The following ATP6V1H variants were observed in gnomAD, a reference collection of about 807,000 sequenced individuals.
ATP6V1H encodes ATPase H+ transporting V1 subunit H.
A neutral mutation model predicts 71.7 loss-of-function variants in ATP6V1H; 39 were observed. That is an observed-to-expected ratio of 0.54 (90% confidence interval 0.42 to 0.71). The LOEUF (loss-of-function observed/expected upper bound fraction) is 0.71. Ranked by LOEUF, ATP6V1H falls within the 30% of genes least tolerant of loss-of-function variation. The pLI is 0.00. For synonymous variants in ATP6V1H, 192 were observed against 199.3 expected, an observed-to-expected ratio of 0.96 and a Z score of 0.31; for missense variants, 509 against 594.9, an observed-to-expected ratio of 0.86 and a Z score of 1.50.
chr8:53,839,322 T>G (rs1307949775), intron 2 of ATP6V1H, among the ~76,000 whole-genome samples: 1 of 152,166 alleles, frequency 6.6e-6, no homozygotes, highest in Non-Finnish European at 1.5e-5. Flanking sequence ...CACTCTGGAC[T>G]AAAGAAATTA....
intron 8 of ATP6V1H, among the ~76,000 whole-genome samples, chr8:53,796,313 G>A (rs1809735048): frequency 6.6e-6 from 1 of 152,124 alleles, no homozygotes; most frequent in Admixed American, 6.5e-5. Flanking sequence ...AAAAACCTCA[G>A]TTTGATCAAG....
chr8:53,782,091 G>C (rs1278462705), intron 9 of ATP6V1H, among the ~76,000 whole-genome samples: 1 of 152,198 alleles, frequency 6.6e-6, no homozygotes, highest in African/African-American at 2.4e-5. Flanking sequence ...GTCATTGGTA[G>C]CTTGATGGGG....
chr8:53,752,603 T>G (rs1807836731), intron 12 of ATP6V1H, among the ~76,000 whole-genome samples: 1 of 152,144 alleles, frequency 6.6e-6, no homozygotes, highest in Admixed American at 6.5e-5. Flanking sequence ...CAGGCTGGAG[T>G]GCAGTGGCAC....
At chr8:53,753,228 T>C (rs1326603331) in intron 12 of ATP6V1H, among the ~76,000 whole-genome samples, 1 of 152,140 alleles carries the variant, frequency 6.6e-6, no homozygotes, top group Admixed American at 6.5e-5. Flanking sequence ...AGAATGACTA[T>C]ATTGGTCCAT....
At chr8:53,797,672 G>A (rs1480530049) in intron 8 of ATP6V1H, among the ~76,000 whole-genome samples, 2 of 151,802 alleles carry the variant, frequency 1.3e-5, no homozygotes, top group African/African-American at 2.4e-5. Flanking sequence ...CTACCTTTCT[G>A]ACACTCAAGA....
At chr8:53,783,947 G>T (rs990998161) in intron 9 of ATP6V1H, among the ~76,000 whole-genome samples, 2 of 152,220 alleles carry the variant, frequency 1.3e-5, no homozygotes, top group African/African-American at 2.4e-5. Flanking sequence ...TTGCTAAGGG[G>T]TGTTTTACTT....
In ATP6V1H at chr8:53,739,443, T is replaced by TA. The variant is rs570723654; in HGVS notation, c.1391+4133dup. On this transcript the variant is annotated intron_variant, in intron 13 of 13. Coordinates refer to ENST00000359530, the MANE Select transcript of ATP6V1H (RefSeq NM_015941.4). ...TCTGTTATATTAATTTACCTAAGCA[T>TA]AAAAAATCTAGATGGTAACACTCTT... 1.7e-3 allele frequency: 261 copies of TA among 152,224 alleles called. 1 individual carries two copies. The highest frequency in any genetic ancestry group is 5.6e-3 in the African/African-American group (233 of 41,546). The allele number at this position is 152,224 out of a possible 1,614,324, so 9.4% of individuals were successfully genotyped here. A position where few individuals can be genotyped will look rare whatever the true frequency, so the allele number is the denominator to read the frequency against.
chr8:53,756,889 G>C (rs1258320370), intron 11 of ATP6V1H, among the ~76,000 whole-genome samples: 1 of 151,768 alleles, frequency 6.6e-6, no homozygotes, highest in Non-Finnish European at 1.5e-5. Flanking sequence ...AAAATATCAG[G>C]GACTCCCCCC....
intron 2 of ATP6V1H, among the ~76,000 whole-genome samples, chr8:53,838,326 C>T (rs1407663078): frequency 6.6e-6 from 1 of 152,080 alleles, no homozygotes; most frequent in East Asian, 1.9e-4. Context: ...ACCATGTTGG[C>T]CAGGCTGGTC....
chr8:53,817,317 T>C (rs1487745426), intron 5 of ATP6V1H, 100 bp downstream of exon 5: 16 of 680,484 alleles, frequency 2.4e-5, no homozygotes, highest in Non-Finnish European at 3.8e-5. Context: ...GCAGGCGGAC[T>C]GCTTGAGCCC....
At chr8:53,739,989 A>G (rs1807356850) in intron 13 of ATP6V1H, among the ~76,000 whole-genome samples, 1 of 152,220 alleles carries the variant, frequency 6.6e-6, no homozygotes, top group Admixed American at 6.5e-5. Context: ...ACAGAAATAC[A>G]GATGTGATGT....
intron 13 of ATP6V1H, among the ~76,000 whole-genome samples, chr8:53,739,075 CAGAAAATTTCAGGTACCT>C (rs1443104339): frequency 4.6e-5 from 7 of 152,036 alleles, no homozygotes; most frequent in Non-Finnish European, 8.8e-5. Context: ...ACCAGGTACC[CAGAAAATTTCAGGTACCT>C]AGAAAATTCC....
chr8:53,741,339 G>A (rs914550071), intron 13 of ATP6V1H, among the ~76,000 whole-genome samples: 2 of 152,094 alleles, frequency 1.3e-5, no homozygotes, highest in South Asian at 4.1e-4. Context: ...TTTCATATTA[G>A]GAATATACAT....
In ATP6V1H at chr8:53,766,784, A is replaced by AT. The variant is rs541770877; in HGVS notation, c.1175+2833dup. The stretch of plus-strand genomic sequence containing the variant: ...GGAAGAGGAAATTCCTGCCTAATAA[A>AT]TTTGGTCAGACCGGTTGATCTCAAA... On this transcript the variant is annotated intron_variant, in intron 11 of 13. Coordinates refer to ENST00000359530, the MANE Select transcript of ATP6V1H (RefSeq NM_015941.4). 2.2e-3 allele frequency among the ~76,000 whole-genome samples: 335 copies of AT among 152,302 alleles called. 2 individuals are homozygous for AT. The highest frequency in any genetic ancestry group is 7.8e-3 in the African/African-American group (324 of 41,554).
rs986611919 is a variant in ATP6V1H, at chr8:53,765,324, C to T, written c.1175+4294G>A. On this transcript the variant is annotated intron_variant, in intron 11 of 13. Coordinates refer to ENST00000359530, the MANE Select transcript of ATP6V1H (RefSeq NM_015941.4). ...GGCTGAGGCTGGAGAATCTTGCACC[C>T]GGGAGGCGGAGGCTGCAGTAAGCTG... Among the ~76,000 whole-genome samples the T allele has an allele frequency of 2.7e-4, 40 of 149,536 alleles. 1 individual carries two copies. The highest frequency in any genetic ancestry group is 1.0e-4 in the Non-Finnish European group (7 of 67,596).
chr8:53,770,062 G>T (rs1025604436), intron 10 of ATP6V1H, among the ~76,000 whole-genome samples: 1 of 151,984 alleles, frequency 6.6e-6, no homozygotes, highest in South Asian at 2.1e-4. Flanking sequence ...TTGATAATCA[G>T]AATTTCTACC....
At chr8:53,730,207 A>C (rs1026102284) in intron 13 of ATP6V1H, among the ~76,000 whole-genome samples, 1 of 152,186 alleles carries the variant, frequency 6.6e-6, no homozygotes, top group Non-Finnish European at 1.5e-5. Flanking sequence ...GACTTCACTT[A>C]ACTTAGATTC....
In ATP6V1H at chr8:53,801,799, C is replaced by G. The variant is rs770447527; in HGVS notation, c.677G>C (p.Cys226Ser). The change falls in exon 8 of 14, where the codon TGC becomes TCC. Residue 226 changes from cysteine to serine, a missense_variant and splice_region_variant. Around this residue, in one of 2 missense-constraint regions of ATP6V1H, gnomAD observed 297 missense variants for 303.3 expected, o/e 0.98. Transcript: ENST00000359530. ...TACATTAAAAGGAAAGGGCACTCACCAATTTACCCCATCTGCTTCCACCCA... is the reference window on the plus strand; with the variant it reads ...TACATTAAAAGGAAAGGGCACTCACGAATTTACCCCATCTGCTTCCACCCA... Reference protein sequence around the residue: ...FAWVEADGVNCIMGVLSNKCG... With the variant: ...FAWVEADGVNSIMGVLSNKCG... The G allele has an allele frequency of 3.1e-6, 5 of 1,612,582 alleles. No homozygotes were observed. Among genetic ancestry groups the G allele is most frequent in the Non-Finnish European group, 4.2e-6 (5 of 1,179,286 alleles).
chr8:53,766,681 G>T (rs1808481149), intron 11 of ATP6V1H, among the ~76,000 whole-genome samples: 1 of 152,174 alleles, frequency 6.6e-6, no homozygotes, highest in Non-Finnish European at 1.5e-5. Context: ...GGCCCCCCCA[G>T]GGTGTACCTG....
Sources: allele counts gnomAD v4.1 joint callset (sites outside exome capture counted in the v4.1 genomes callset), GRCh38; gene constraint gnomAD v4.1.1; regional missense constraint gnomAD v4.1.1; transcripts MANE v1.5; gene names NCBI Gene and HGNC (gene_info 2026-07-23, HGNC 2026-07-21).